Variants in MBP observed in about 807,000 individuals in gnomAD.
MBP encodes the protein Golli-MBP.
MBP carries 16 observed loss-of-function variants against 35.8 expected under a neutral mutation model. The ratio of observed to expected loss-of-function variants is 0.45; its 90% CI spans 0.30 to 0.68. MBP has a LOEUF of 0.68. MBP is among the 30% of genes least tolerant of loss of function. MBP has a pLI of 0.08. For missense variants in MBP, 380 were observed against 404.7 expected (o/e 0.94, Z 0.52); for synonymous variants, 143 against 159.6 (o/e 0.90, Z 0.78).
intron 4 of MBP, among the ~76,000 whole-genome samples, chr18:76,998,969 G>T (rs1330651054): frequency 6.7e-6 from 1 of 150,040 alleles, no homozygotes; most frequent in Non-Finnish European, 1.5e-5. Context: ...GCAGTGTTTT[G>T]GGGGGTTTAA....
At chr18:77,025,999 C>G (rs1347730802) in intron 3 of MBP, among the ~76,000 whole-genome samples, 1 of 152,230 alleles carries the variant, frequency 6.6e-6, no homozygotes, top group African/African-American at 2.4e-5. Context: ...TCATCCCGCT[C>G]GCTGTGCTCC....
intron 1 of MBP, among the ~76,000 whole-genome samples, chr18:77,124,649 C>T (rs1976992422): frequency 6.6e-6 from 1 of 152,124 alleles, no homozygotes; most frequent in Admixed American, 6.5e-5. Flanking sequence ...GGGGGAGAGC[C>T]CACCCACAGG....
At chr18:77,009,053 T>TA (rs1478309984) in intron 4 of MBP, among the ~76,000 whole-genome samples, 2 of 152,236 alleles carry the variant, frequency 1.3e-5, no homozygotes, top group Non-Finnish European at 2.9e-5. Context: ...TTCCCATGCT[T>TA]AAAAAGCCAG....
At chr18:77,019,230 C>T (rs1033596752) in intron 3 of MBP, among the ~76,000 whole-genome samples, 14 of 152,216 alleles carry the variant, frequency 9.2e-5, no homozygotes, top group African/African-American at 3.1e-4. Flanking sequence ...AATAGTATCC[C>T]TCCAAATGAT....
rs1429943886 is a variant in MBP at position 76,980,203 on chromosome 18, A to T, written c.*224T>A. 4 of 638,680 alleles carry T rather than the reference A, an allele frequency of 6.3e-6. No individual in the cohort carries two copies. The highest frequency in any genetic ancestry group is 1.1e-5 in the Non-Finnish European group (4 of 356,596). The allele number at this position is 638,680 out of a possible 1,614,324, so 39.6% of individuals were successfully genotyped here. On this transcript the variant is annotated 3_prime_UTR_variant, in exon 9 of 9. Coordinates refer to ENST00000355994, the MANE Select transcript of MBP (RefSeq NM_001025101.2). ...GGGGGAAGGAACGTGATCTTCACAC[A>T]GAAAGGGACAGTTTTAACCGTTTTC...
At chr18:77,077,357 CAAAAA>C (rs56002600) in intron 2 of MBP, among the ~76,000 whole-genome samples, 1 of 107,764 alleles carries the variant, frequency 9.3e-6, no homozygotes, top group Non-Finnish European at 1.8e-5. Flanking sequence ...GACTCCGTCG[CAAAAA>C]AAAAAAAAAA....
intron 4 of MBP, among the ~76,000 whole-genome samples, chr18:77,002,493 G>C (rs531433211): frequency 6.6e-6 from 1 of 152,342 alleles, no homozygotes; most frequent in African/African-American, 2.4e-5. Flanking sequence ...TTCTAGGAAT[G>C]TACATGTTTT....
intron 4 of MBP, chr18:77,009,957 G>A (rs1971248639): frequency 2.7e-6 from 4 of 1,502,010 alleles, no homozygotes; most frequent in South Asian, 1.2e-5. Flanking sequence ...GGCTGCGTGA[G>A]TCCGGGTGGG....
chr18:77,045,283 T>C (rs1478502166), intron 3 of MBP, among the ~76,000 whole-genome samples: 3 of 149,318 alleles, frequency 2.0e-5, no homozygotes, highest in Non-Finnish European at 4.5e-5. Flanking sequence ...CCAACTGACC[T>C]GCTGCCGGCA....
intron 2 of MBP, among the ~76,000 whole-genome samples, chr18:77,078,759 T>C (rs1202914621): frequency 1.3e-5 from 2 of 152,240 alleles, no homozygotes; most frequent in African/African-American, 4.8e-5. Flanking sequence ...GCTGGGGCTC[T>C]GCTCCTCTCT....
At chr18:77,079,290 G>A (rs72990936) in intron 2 of MBP, among the ~76,000 whole-genome samples, 15,962 of 152,284 alleles carry the variant, frequency 0.1, 1,029 homozygotes, top group South Asian at 0.17. Context: ...GCAGATGGCA[G>A]TGCCCAGGCA....
chr18:77,090,274 G>A (rs1599225904), intron 2 of MBP, among the ~76,000 whole-genome samples: 1 of 152,152 alleles, frequency 6.6e-6, no homozygotes, highest in African/African-American at 2.4e-5. Flanking sequence ...GAAATTAAAC[G>A]TTACTAAATT....
chr18:77,068,661 G>T (rs974466770), intron 2 of MBP, among the ~76,000 whole-genome samples: 3 of 152,186 alleles, frequency 2.0e-5, no homozygotes, highest in Non-Finnish European at 4.4e-5. Context: ...CTGGTTGGCC[G>T]CTGTAGAAAC....
Position 77,131,415 on chromosome 18 carries a change from TGTG to T in MBP, c.-26+1162_-26+1164del, listed in dbSNP as rs1977267160. 1 of 152,256 alleles carries T rather than the reference TGTG, an allele frequency of 6.6e-6. No individual in the cohort carries two copies. Among genetic ancestry groups the T allele is most frequent in the Admixed American group, 6.5e-5 (1 of 15,270 alleles). The allele number at this position is 152,256 out of a possible 1,614,324, so 9.4% of individuals were successfully genotyped here. The stretch of plus-strand genomic sequence containing the variant: ...AACTCTCTTTCCAGGCGGGGCGTTC[TGTG>T]GTCAGACGAGGCAGAGGCCTCCCCG... On this transcript the variant is annotated intron_variant, in intron 1 of 8. Transcript: ENST00000355994. This position sits in a 1 kb window ranked among gnomAD's most constrained non-coding sequence, Gnocchi z 5.5.
At chr18:77,120,129 G>A (rs1268590484) in intron 1 of MBP, among the ~76,000 whole-genome samples, 1 of 152,258 alleles carries the variant, frequency 6.6e-6, no homozygotes, top group East Asian at 1.9e-4. Flanking sequence ...CTCGGGTGAG[G>A]TATGCTAAAG....
At chr18:77,106,845 T>G (rs1976296193) in intron 1 of MBP, among the ~76,000 whole-genome samples, 1 of 152,168 alleles carries the variant, frequency 6.6e-6, no homozygotes, top group African/African-American at 2.4e-5. Flanking sequence ...CCTTCCCAAT[T>G]TATTTAAATT....
chr18:77,075,847 G>A (rs1974629156), intron 2 of MBP, among the ~76,000 whole-genome samples: 1 of 152,130 alleles, frequency 6.6e-6, no homozygotes, highest in Non-Finnish European at 1.5e-5. Context: ...ATGAAACTAG[G>A]CATTATACTA....
chr18:77,104,742 A>G (rs1178223366), intron 2 of MBP, among the ~76,000 whole-genome samples: 1 of 152,180 alleles, frequency 6.6e-6, no homozygotes, highest in Non-Finnish European at 1.5e-5. Flanking sequence ...ATGTTAAAAA[A>G]AATCAAAAGT....
intron 3 of MBP, among the ~76,000 whole-genome samples, chr18:77,053,801 C>T (rs377546477): frequency 2.8e-4 from 42 of 152,344 alleles, no homozygotes; most frequent in African/African-American, 8.7e-4. Flanking sequence ...TGATGAAGCT[C>T]GTCCCATGAG....
Sources: gnomAD v4.1 joint callset for allele counts (sites outside exome capture counted in the v4.1 genomes callset) on GRCh38, gnomAD v4.1.1 for gene constraint, Gnocchi (gnomAD v3.1) non-coding constraint, MANE v1.5 for transcripts, NCBI Gene and HGNC (gene_info 2026-07-23, HGNC 2026-07-21) for gene names.